The following ECD variants were observed in gnomAD, a reference collection of about 807,000 sequenced individuals.
ECD encodes protein ecdysoneless homolog.
ECD carries 59 observed loss-of-function variants against 77.2 expected under a neutral mutation model. The observed-to-expected ratio is 0.76, with a 90% CI of 0.62 to 0.95. ECD has a LOEUF of 0.95. ECD is among the 40% of genes least tolerant of loss of function. The probability of loss-of-function intolerance (pLI) is 0.00; values close to 1 mark genes in which losing one functional copy is unlikely to be tolerated. For missense variants in ECD, 704 were observed against 763.4 expected, an observed-to-expected ratio of 0.92 and a Z score of 0.92; for synonymous variants, 233 against 267.4, an observed-to-expected ratio of 0.87 and a Z score of 1.26.
chr10:73,136,341 A>G (rs1024203396), intron 13 of ECD, among the ~76,000 whole-genome samples: 1 of 152,210 alleles, frequency 6.6e-6, no homozygotes, highest in African/African-American at 2.4e-5. Flanking sequence ...ATAGTCTCAA[A>G]AGGTCTTGAG....
intron 9 of ECD, among the ~76,000 whole-genome samples, chr10:73,145,413 C>A (rs1843110987): frequency 6.6e-6 from 1 of 151,724 alleles, no homozygotes; most frequent in Admixed American, 6.6e-5. Flanking sequence ...AAATAAAAGT[C>A]TACGATATTA....
In ECD at chr10:73,154,298, A is replaced by G. The variant is rs944526768; in HGVS notation, c.741T>C (p.Arg247=). Residue 247 remains arginine, a synonymous_variant, in exon 6 of 14, where the codon CGT becomes CGC. Transcript: ENST00000372979. ...TTTCAGGCAAGAATGTCTTGAAAAC[A>G]CGACAAGCTCGCAGGTCAATAGGGT... ...LRDPIDLRAC[R]VFKTFLPETR... The G allele has an allele frequency of 6.2e-7, 1 of 1,612,084 alleles. No homozygotes were observed. Among genetic ancestry groups the G allele is most frequent in the African/African-American group, 1.3e-5 (1 of 74,854 alleles).
chr10:73,157,342 G>A (rs868617772), intron 3 of ECD, among the ~76,000 whole-genome samples: 7 of 151,524 alleles, frequency 4.6e-5, no homozygotes, highest in African/African-American at 9.7e-5. Context: ...GAGCCACCAC[G>A]CCCGGCCCGT....
At position 73,162,153 on chromosome 10, in the gene ECD, T is replaced by A. The variant is rs138599783; in HGVS notation, c.205+1580A>T. ...AAGCAGGAGAGTGACACAATCAAAT[T>A]TGTGTTTTACAAACATAACCAGCAA... On this transcript the variant is annotated intron_variant, in intron 2 of 13. Transcript: ENST00000372979. 2.7e-3 allele frequency among the ~76,000 whole-genome samples: 404 copies of A among 152,308 alleles called. 3 individuals are homozygous for A. The highest frequency in any genetic ancestry group is 4.0e-3 in the Admixed American group (61 of 15,288).
chr10:73,165,257 C>T (rs997736369), intron 1 of ECD, among the ~76,000 whole-genome samples: 1 of 152,204 alleles, frequency 6.6e-6, no homozygotes, highest in Non-Finnish European at 1.5e-5. Flanking sequence ...ACAAAACATT[C>T]ATGTCCTGTC....
chr10:73,153,137 C>T (rs895804231), intron 6 of ECD, among the ~76,000 whole-genome samples: 108 of 152,106 alleles, frequency 7.1e-4, no homozygotes, highest in African/African-American at 2.5e-3. Context: ...AGGCTGGTCT[C>T]AAACTCCTGA....
intron 6 of ECD, among the ~76,000 whole-genome samples, chr10:73,152,639 T>TGGTG (rs1224202750): frequency 6.6e-6 from 1 of 151,882 alleles, no homozygotes; most frequent in Non-Finnish European, 1.5e-5. Context: ...TGGCCAGGCA[T>TGGTG]GGTGGTTCAT....
chr10:73,155,049 TTTATTTA>T (rs899522396), intron 5 of ECD, among the ~76,000 whole-genome samples: 8 of 152,166 alleles, frequency 5.3e-5, no homozygotes, highest in East Asian at 3.9e-4. Context: ...ATTTTTATTT[TTTATTTA>T]TTATTATTTT....
At chr10:73,152,774 T>C (rs1843230654) in intron 6 of ECD, among the ~76,000 whole-genome samples, 2 of 151,884 alleles carry the variant, frequency 1.3e-5, no homozygotes, top group African/African-American at 2.4e-5. Context: ...AAGCCAGGCA[T>C]GGTGGCGCAC....
rs150394521 is a variant in ECD, at chr10:73,136,917, C to T, written c.1491G>A (p.Gly497=). ...CAGAATCTGACTCATTAGGCCTTGG[C>T]CCTACACAGATCCCAAGAAAGAAAG... The part of the protein sequence containing the change: ...SFLNYFDKIL[G]PRPNESDSDD... Residue 497 remains glycine (G), a splice_region_variant and synonymous_variant, in exon 13 of 14, where the codon GGG becomes GGA. Transcript: ENST00000372979. The T allele has an allele frequency of 2.6e-6, 4 of 1,539,724 alleles. No individual in the cohort carries two copies. Among genetic ancestry groups the T allele is most frequent in the Non-Finnish European group, 3.5e-6 (4 of 1,140,594 alleles).
intron 2 of ECD, among the ~76,000 whole-genome samples, chr10:73,161,164 C>CAA: frequency 1.6e-5 from 2 of 124,422 alleles, no homozygotes; most frequent in African/African-American, 2.8e-5. Context: ...ACCTATACCT[C>CAA]AAAAAAAAAA....
chr10:73,143,677 G>A (rs183970619), intron 9 of ECD, among the ~76,000 whole-genome samples: 14 of 151,852 alleles, frequency 9.2e-5, no homozygotes, highest in Middle Eastern at 3.4e-3. Flanking sequence ...TTTATCCTTC[G>A]AGTTACAAAC....
At chr10:73,137,324 T>A (rs1192947721) in intron 12 of ECD, among the ~76,000 whole-genome samples, 2 of 152,202 alleles carry the variant, frequency 1.3e-5, no homozygotes, top group Non-Finnish European at 2.9e-5. Context: ...TATCCCAATC[T>A]TTCTCTCTGC....
At chr10:73,150,271 G>A (rs1843185762) in intron 7 of ECD, among the ~76,000 whole-genome samples, 1 of 152,082 alleles carries the variant, frequency 6.6e-6, no homozygotes, top group African/African-American at 2.4e-5. Flanking sequence ...CAAGAAATGG[G>A]GAAACGATTC....
At chr10:73,140,889 C>A (rs954886026) in intron 9 of ECD, among the ~76,000 whole-genome samples, 2 of 150,380 alleles carry the variant, frequency 1.3e-5, no homozygotes, top group East Asian at 3.9e-4. Context: ...GTTAATAGTA[C>A]ATATACATAT....
intron 13 of ECD, among the ~76,000 whole-genome samples, chr10:73,135,733 T>C (rs1842967972): frequency 6.6e-6 from 1 of 150,606 alleles, no homozygotes; most frequent in African/African-American, 2.4e-5. Context: ...AATAAAATAA[T>C]AATAATAATA....
In ECD at chr10:73,138,659, C is replaced by T. The variant is rs564493985; in HGVS notation, c.1422-589G>A. Reference sequence around the variant, plus strand: ...CCAGCTCACTGCAACCTCTGCCTTCCGGGGTCAAGCGATTCTCCTGCCTCA... The same window carrying T: ...CCAGCTCACTGCAACCTCTGCCTTCTGGGGTCAAGCGATTCTCCTGCCTCA... On this transcript the variant is annotated intron_variant, in intron 11 of 13. Transcript: ENST00000372979. 1.8e-4 allele frequency among the ~76,000 whole-genome samples: 27 copies of T among 152,190 alleles called. No individual in the cohort carries two copies. The South Asian group carries it at 2.3e-3, about 13-fold the overall frequency.
chr10:73,166,677 G>A (rs1301083267), intron 1 of ECD, among the ~76,000 whole-genome samples: 3 of 152,182 alleles, frequency 2.0e-5, no homozygotes, highest in African/African-American at 7.2e-5. Context: ...GCTTCCTAGA[G>A]AGTTGTTTGA....
chr10:73,160,341 ACAG>A (rs1843359596), intron 3 of ECD, 90 bp downstream of exon 3: 16 of 835,322 alleles, frequency 1.9e-5, no homozygotes, highest in Non-Finnish European at 2.7e-5. Context: ...CCAGCAGACT[ACAG>A]GAGAAAAATA....
Sources: allele counts gnomAD v4.1 joint callset (sites outside exome capture counted in the v4.1 genomes callset), GRCh38; gene constraint gnomAD v4.1.1; transcripts MANE v1.5; gene names NCBI Gene and HGNC (gene_info 2026-07-23, HGNC 2026-07-21).